The following PCSK6 variants were observed in gnomAD, a reference collection of about 807,000 sequenced individuals.
PCSK6 encodes the protein paired basic amino acid cleaving enzyme 4.
A neutral mutation model predicts 123.3 loss-of-function variants in PCSK6; 85 were observed. That is an observed-to-expected ratio of 0.69 (90% CI 0.58 to 0.83). The LOEUF is 0.83. Among genes scored for constraint, PCSK6 ranks in the 40% least tolerant of loss-of-function variants. The pLI is 0.00. For missense variants in PCSK6, 1,191 were observed against 1,282.3 expected (o/e 0.93, Z 1.09); for synonymous variants, 508 against 516.0 (o/e 0.98, Z 0.21).
chr15:101,489,336 CG>C (rs2141291159), intron 1 of PCSK6, 37 bp downstream of exon 1: 2 of 1,110,398 alleles, frequency 1.8e-6, no homozygotes, highest in Non-Finnish European at 2.2e-6. Flanking sequence ...CGGAGGCCGC[CG>C]GGAAAGTTTT....
intron 21 of PCSK6, 74 bp downstream of exon 21, chr15:101,307,137 CTT>C: frequency 9.0e-7 from 1 of 1,111,838 alleles, no homozygotes; most frequent in South Asian, 1.3e-5. Flanking sequence ...TGTGGCTTTG[CTT>C]TTCTCTTTGG....
At chr15:101,356,246 C>A (rs534061612) in intron 13 of PCSK6, among the ~76,000 whole-genome samples, 1 of 151,492 alleles carries the variant, frequency 6.6e-6, no homozygotes, top group African/African-American at 2.5e-5. Flanking sequence ...AGGCTCTGTG[C>A]GTAACGGCTG....
intron 1 of PCSK6, among the ~76,000 whole-genome samples, chr15:101,488,814 G>A (rs1472269682): frequency 6.6e-6 from 1 of 151,618 alleles, no homozygotes; most frequent in East Asian, 2.0e-4. Context: ...ACCCCCGGGA[G>A]CCGCGGACAC....
At chr15:101,341,679 C>A (rs1397964090) in intron 13 of PCSK6, among the ~76,000 whole-genome samples, 1 of 152,136 alleles carries the variant, frequency 6.6e-6, no homozygotes, top group African/African-American at 2.4e-5. Context: ...GAAAACAAAG[C>A]TGAGCAAAGT....
intron 1 of PCSK6, among the ~76,000 whole-genome samples, chr15:101,485,407 T>A (rs2057997202): frequency 6.6e-6 from 1 of 152,264 alleles, no homozygotes; most frequent in Admixed American, 6.5e-5. Context: ...TAGGATGCCT[T>A]TGTTTACATA....
intron 2 of PCSK6, among the ~76,000 whole-genome samples, chr15:101,432,459 CAAA>C (rs56385883): frequency 1.7e-5 from 2 of 117,342 alleles, no homozygotes; most frequent in Non-Finnish European, 1.8e-5. Flanking sequence ...CCCACCTCTC[CAAA>C]AAAAAAAAAA....
At chr15:101,433,080 C>T (rs1287530826) in intron 2 of PCSK6, among the ~76,000 whole-genome samples, 2 of 152,198 alleles carry the variant, frequency 1.3e-5, no homozygotes, top group African/African-American at 4.8e-5. Flanking sequence ...AAGGCTGTAT[C>T]ACTGATATTT....
intron 16 of PCSK6, among the ~76,000 whole-genome samples, chr15:101,325,595 C>T (rs1390210721): frequency 6.6e-6 from 1 of 152,220 alleles, no homozygotes; most frequent in Middle Eastern, 3.2e-3. Context: ...CTAGCAGTGT[C>T]CTGTCATCGT....
chr15:101,400,150 G>T (rs150568648), intron 6 of PCSK6, among the ~76,000 whole-genome samples: 46 of 152,166 alleles, frequency 3.0e-4, no homozygotes, highest in African/African-American at 1.1e-3. Flanking sequence ...TCAGCCTCCC[G>T]AGTAGCTAGG....
intron 1 of PCSK6, among the ~76,000 whole-genome samples, chr15:101,465,377 G>A (rs567883381): frequency 2.2e-4 from 33 of 152,340 alleles, no homozygotes; most frequent in Middle Eastern, 3.4e-3. Flanking sequence ...GAAACAGCAC[G>A]TCTTGTTCTG....
intron 19 of PCSK6, among the ~76,000 whole-genome samples, chr15:101,315,476 G>A (rs2039967957): frequency 6.6e-6 from 1 of 152,262 alleles, no homozygotes; most frequent in Non-Finnish European, 1.5e-5. Flanking sequence ...AACGGGCTGT[G>A]CTTATACAGG....
At chr15:101,459,556 C>G (rs1246874186) in intron 1 of PCSK6, among the ~76,000 whole-genome samples, 5 of 142,488 alleles carry the variant, frequency 3.5e-5, no homozygotes, top group Middle Eastern at 3.6e-3. Context: ...CATTCCCGTC[C>G]CCCCCACCAT....
chr15:101,391,920 T>G (rs988302644), intron 8 of PCSK6, among the ~76,000 whole-genome samples: 3 of 152,174 alleles, frequency 2.0e-5, no homozygotes, highest in African/African-American at 7.2e-5. Context: ...GAAGAGAATT[T>G]TAAAATAAGA....
At chr15:101,372,259 C>T (rs764448269) in intron 11 of PCSK6, among the ~76,000 whole-genome samples, 4 of 152,162 alleles carry the variant, frequency 2.6e-5, no homozygotes, top group African/African-American at 4.8e-5. Context: ...TGGCTTATTA[C>T]GGGGAGCGCT....
At chr15:101,418,419 T>C (rs2055964738) in intron 6 of PCSK6, among the ~76,000 whole-genome samples, 2 of 151,746 alleles carry the variant, frequency 1.3e-5, no homozygotes, top group Non-Finnish European at 2.9e-5. Context: ...TGTAAAACCA[T>C]AAGAAGACAT....
chr15:101,428,403 A>T (rs2056332702), intron 5 of PCSK6, among the ~76,000 whole-genome samples: 1 of 152,224 alleles, frequency 6.6e-6, no homozygotes, highest in African/African-American at 2.4e-5. Context: ...GCTGCCTGGC[A>T]GGATGAAAGA....
At chr15:101,390,031 A>G (rs6598464) in intron 8 of PCSK6, among the ~76,000 whole-genome samples, 128,788 of 152,140 alleles carry the variant, frequency 0.85, 54,747 homozygotes, top group Admixed American at 0.87. Context: ...GCAGCTAGAG[A>G]TACCCAGGTG....
chr15:101,450,261 A>G (rs4965870), intron 1 of PCSK6, among the ~76,000 whole-genome samples: 104,983 of 151,076 alleles, frequency 0.69, 37,622 homozygotes, highest in Non-Finnish European at 0.8. Context: ...GTCTCGGAGA[A>G]TACACGACCA....
intron 6 of PCSK6, among the ~76,000 whole-genome samples, chr15:101,426,493 G>A (rs930167482): frequency 6.6e-6 from 1 of 152,206 alleles, no homozygotes; most frequent in African/African-American, 2.4e-5. Context: ...TATCCACAAA[G>A]GAGCCAGGCC....
Sources: allele counts gnomAD v4.1 joint callset (sites outside exome capture counted in the v4.1 genomes callset), GRCh38; gene constraint gnomAD v4.1.1; transcripts MANE v1.5; gene names NCBI Gene and HGNC (gene_info 2026-07-23, HGNC 2026-07-21).